TGFBR2: variants seen among roughly 807,000 people sequenced by gnomAD.
TGFBR2 encodes the protein TGF-beta receptor type-2.
A neutral mutation model predicts 49.0 loss-of-function variants in TGFBR2; 18 were observed. That is an observed-to-expected ratio of 0.37 (90% CI 0.25 to 0.54). TGFBR2 has a LOEUF of 0.54. TGFBR2 is among the 20% of genes least tolerant of loss of function. The pLI, the probability that TGFBR2 is intolerant of heterozygous loss-of-function variation, is 0.85. For synonymous variants in TGFBR2, 282 were observed against 275.9 expected, an observed-to-expected ratio of 1.02 and a Z score of -0.22; for missense variants, 525 against 722.6, an observed-to-expected ratio of 0.73 and a Z score of 3.13.
rs2125438092 is a variant in TGFBR2 at position 30,606,607 on chromosome 3, G to A, written c.-277G>A. On this transcript the variant is annotated 5_prime_UTR_variant, in exon 1 of 7. Coordinates refer to ENST00000295754, the MANE Select transcript of TGFBR2 (RefSeq NM_003242.6). ...AGTTGAAGTTGAGTGAGTCACTCGC[G>A]CGCACGGAGCGACGACACCCCCGCG... 1 of 348,274 alleles carries A rather than the reference G, an allele frequency of 2.9e-6. No individual in the cohort carries two copies. Among genetic ancestry groups the A allele is most frequent in the East Asian group, 4.0e-5 (1 of 25,162 alleles). The allele number at this position is 348,274 out of a possible 1,614,324, so 21.6% of individuals were successfully genotyped here.
At chr3:30,631,658 A>G (rs2125392314) in intron 1 of TGFBR2, among the ~76,000 whole-genome samples, 1 of 149,258 alleles carries the variant, frequency 6.7e-6, no homozygotes, top group African/African-American at 2.5e-5. Flanking sequence ...CCTCTGCTTG[A>G]AAAACATGAA....
At chr3:30,606,414 G>A (rs1257825935), upstream of TGFBR2, 1 of 230,922 alleles carries the variant, frequency 4.3e-6, no homozygotes, top group East Asian at 6.1e-5. Context: ...GGCGGTGAGG[G>A]GCAGCTGAAA....
In TGFBR2 at chr3:30,679,994, CG is replaced by C. The variant is rs201486076; in HGVS notation, c.1396+5751del. 8.7e-3 allele frequency among the ~76,000 whole-genome samples: 1,321 copies of C among 152,210 alleles called. 15 individuals are homozygous for C. The highest frequency in any genetic ancestry group is 0.03 in the African/African-American group (1,245 of 41,510). On this transcript the variant is annotated intron_variant, in intron 5 of 6. Transcript: ENST00000295754. ...TTAAAATATTAGCCAGGCATGGTGGCGGGTGCCTGTAATCGCAGCTACTCAA... is the reference window on the plus strand; with the variant it reads ...TTAAAATATTAGCCAGGCATGGTGGCGGTGCCTGTAATCGCAGCTACTCAA...
intron 3 of TGFBR2, among the ~76,000 whole-genome samples, chr3:30,670,658 A>G (rs1188908854): frequency 6.6e-6 from 1 of 152,260 alleles, no homozygotes; most frequent in Non-Finnish European, 1.5e-5. Context: ...AGGCCAGCAC[A>G]TGAAACAAAG....
chr3:30,669,903 G>A (rs1489441263), intron 3 of TGFBR2, among the ~76,000 whole-genome samples: 1 of 152,010 alleles, frequency 6.6e-6, no homozygotes, highest in African/African-American at 2.4e-5. Flanking sequence ...TCCTTTATCA[G>A]TATCATTTAG....
At chr3:30,691,398 T>G (rs1272565755) in intron 6 of TGFBR2, 22 bp from the exon 7 acceptor site, 1 of 1,613,578 alleles carries the variant, frequency 6.2e-7, no homozygotes, top group Non-Finnish European at 8.5e-7. Context: ...ATGGTGCCCT[T>G]TGGATCTCTT....
At chr3:30,645,968 G>T (rs1000695927) in intron 2 of TGFBR2, among the ~76,000 whole-genome samples, 4 of 152,246 alleles carry the variant, frequency 2.6e-5, no homozygotes, top group African/African-American at 9.6e-5. Flanking sequence ...TTGATCTTTA[G>T]AAGAGTTGTA....
chr3:30,646,363 G>A (rs1251644854), intron 2 of TGFBR2, among the ~76,000 whole-genome samples: 1 of 152,220 alleles, frequency 6.6e-6, no homozygotes, highest in Non-Finnish European at 1.5e-5. Flanking sequence ...CAAAGAATGT[G>A]TTCAGAGGAG....
chr3:30,678,094 TG>T (rs1699470263), intron 5 of TGFBR2, among the ~76,000 whole-genome samples: 1 of 152,178 alleles, frequency 6.6e-6, no homozygotes, highest in Admixed American at 6.5e-5. Flanking sequence ...GAATCATAGA[TG>T]GACAGTAAAG....
Position 30,674,117 on chromosome 3 carries a change from A to G in TGFBR2, c.1267A>G (p.Arg423Gly), listed in dbSNP as rs771094273. Reference sequence around the variant, plus strand: ...GTTTTTGCTATAGGTGGGAACTGCAAGATACATGGCTCCAGAAGTCCTAGA... The same window carrying G: ...GTTTTTGCTATAGGTGGGAACTGCAGGATACATGGCTCCAGAAGTCCTAGA... ...LANSGQVGTA[R>G]YMAPEVLESR... is the part of the protein sequence containing the mutation. Residue 423 changes from arginine to glycine, a missense_variant, in exon 5 of 7, where the codon AGA (arginine) becomes GGA (glycine). By Grantham distance (125) the Arg-to-Gly change is moderately radical. Around this residue, in one of 3 missense-constraint regions of TGFBR2, gnomAD observed 45 missense variants for 111.0 expected, o/e 0.41. Transcript: ENST00000295754. The G allele has an allele frequency of 6.2e-7, 1 of 1,614,156 alleles. No homozygotes were observed. The highest frequency in any genetic ancestry group is 8.5e-7 in the Non-Finnish European group (1 of 1,180,026).
intron 6 of TGFBR2, among the ~76,000 whole-genome samples, chr3:30,689,002 G>A (rs1205458609): frequency 6.6e-6 from 1 of 152,220 alleles, no homozygotes; most frequent in Non-Finnish European, 1.5e-5. Context: ...TGTGCTCACA[G>A]ACTTGGGAGA....
At chr3:30,607,803 T>C (rs867840457) in intron 1 of TGFBR2, among the ~76,000 whole-genome samples, 1 of 138,400 alleles carries the variant, frequency 7.2e-6, no homozygotes, top group Admixed American at 7.1e-5. Context: ...TAAAAAAATA[T>C]ATATATATAT....
In TGFBR2 at chr3:30,671,792, C is replaced by T. The variant is rs769938385; in HGVS notation, c.609C>T (p.Thr203=). The T allele has an allele frequency of 4.0e-5, 65 of 1,614,064 alleles. No homozygotes were observed. The highest frequency in any genetic ancestry group is 4.8e-5 in the Non-Finnish European group (57 of 1,180,042). The change falls in exon 4 of 7, where the codon ACC becomes ACT. Residue 203 remains threonine, a synonymous_variant. Coordinates refer to ENST00000295754, the MANE Select transcript of TGFBR2 (RefSeq NM_003242.6). ...AGAAGCTGAGTTCAACCTGGGAAAC[C>T]GGCAAGACGCGGAAGCTCATGGAGT... ...RQQKLSSTWE[T]GKTRKLMEFS... is the part of the protein sequence containing the mutation.
At chr3:30,675,068 G>T (rs1175351153) in intron 5 of TGFBR2, among the ~76,000 whole-genome samples, 6 of 152,250 alleles carry the variant, frequency 3.9e-5, no homozygotes, top group African/African-American at 1.4e-4. Context: ...ATTGTTCTAG[G>T]AAGTATTATC....
intron 1 of TGFBR2, among the ~76,000 whole-genome samples, chr3:30,637,448 C>T (rs1314950474): frequency 6.6e-6 from 1 of 152,200 alleles, no homozygotes; most frequent in East Asian, 1.9e-4. Flanking sequence ...CATTGCTTCC[C>T]TTAGATACCG....
At chr3:30,655,200 T>C (rs1698972578) in intron 3 of TGFBR2, among the ~76,000 whole-genome samples, 1 of 152,196 alleles carries the variant, frequency 6.6e-6, no homozygotes. Context: ...AGTTGGGCTT[T>C]TTATAGAGGG....
chr3:30,646,219 AC>A (rs1287588947), intron 2 of TGFBR2, among the ~76,000 whole-genome samples: 50 of 152,192 alleles, frequency 3.3e-4, no homozygotes, highest in African/African-American at 1.2e-3. Context: ...TTCTGTACAT[AC>A]CACGGGATGA....
intron 1 of TGFBR2, among the ~76,000 whole-genome samples, chr3:30,613,971 T>C (rs1393699910): frequency 6.6e-6 from 1 of 152,180 alleles, no homozygotes; most frequent in Admixed American, 6.5e-5. Flanking sequence ...TTGTACCATT[T>C]TTTCCCTGGA....
At chr3:30,654,652 A>G (rs1410287990) in intron 3 of TGFBR2, among the ~76,000 whole-genome samples, 4 of 152,192 alleles carry the variant, frequency 2.6e-5, no homozygotes, top group African/African-American at 9.6e-5. Flanking sequence ...ATTGGTCATG[A>G]TGGATGGCCT....
Sources: allele counts gnomAD v4.1 joint callset (sites outside exome capture counted in the v4.1 genomes callset), GRCh38; gene constraint gnomAD v4.1.1; regional missense constraint gnomAD v4.1.1; transcripts MANE v1.5; gene names NCBI Gene and HGNC (gene_info 2026-07-23, HGNC 2026-07-21).